The following METTL25 variants were observed in gnomAD, a reference collection of about 807,000 sequenced individuals.
METTL25 encodes methyltransferase like 25.
A neutral mutation model predicts 71.6 loss-of-function variants in METTL25; 64 were observed. The observed-to-expected ratio is 0.89, with a 90% CI of 0.73 to 1.10. The LOEUF is 1.10. Among genes scored for constraint, METTL25 ranks in the 50% least tolerant of loss-of-function variants. METTL25 has a pLI of 0.00. For synonymous variants in METTL25, 287 were observed against 250.3 expected (o/e 1.15, Z -1.38); for missense variants, 807 against 707.0 (o/e 1.14, Z -1.60).
rs1305451853 is a variant in METTL25 at position 82,394,951 on chromosome 12, C to T, written c.532-3844C>T. ...ATGCATACTTTGTTTCTGAAACATC[C>T]AGGAAGTCAGATTGAACAAGCAGAA... On this transcript the variant is annotated intron_variant, in intron 3 of 11. Coordinates refer to ENST00000248306, the MANE Select transcript of METTL25 (RefSeq NM_032230.3). Among the ~76,000 whole-genome samples, 5 of 151,446 alleles carry T rather than the reference C, an allele frequency of 3.3e-5. No individual in the cohort carries two copies. In the Admixed American group the frequency reaches 3.3e-4, roughly 10 times the overall value.
intron 3 of METTL25, among the ~76,000 whole-genome samples, chr12:82,394,577 G>A (rs1232788003): frequency 1.3e-5 from 2 of 151,848 alleles, no homozygotes; most frequent in African/African-American, 4.8e-5. Flanking sequence ...TCTTAACCAT[G>A]TTCCAGGCAT....
intron 8 of METTL25, among the ~76,000 whole-genome samples, chr12:82,445,126 A>T (rs1471890932): frequency 6.6e-6 from 1 of 152,170 alleles, no homozygotes; most frequent in East Asian, 1.9e-4. Flanking sequence ...TAATAAGTAC[A>T]TTGGAAAATA....
At chr12:82,422,742 T>C (rs1430537104) in intron 5 of METTL25, among the ~76,000 whole-genome samples, 4 of 152,160 alleles carry the variant, frequency 2.6e-5, no homozygotes, top group Non-Finnish European at 5.9e-5. Flanking sequence ...AGCATTCTTA[T>C]ACACCAATAA....
chr12:82,398,996 G>T lies in METTL25; in HGVS notation c.733G>T (p.Glu245Ter). The T allele has an allele frequency of 6.2e-7, 1 of 1,608,976 alleles. No homozygotes were observed. Among genetic ancestry groups the T allele is most frequent in the Non-Finnish European group, 8.5e-7 (1 of 1,177,894 alleles). ...TGGACTAGCATTAAAAATGGCAAAA[G>T]AAAGGAAAGTGCAAAATAAAGTTAA... ...VNGLALKMAK[E>*]RKVQNKVKNK... The change falls in exon 4 of 12, where the codon GAA (glutamate) becomes TAA (stop). Residue 245 changes from glutamate (E) to a stop codon, truncating the protein, a stop_gained. Transcript: ENST00000248306. LOFTEE classifies it high-confidence loss of function.
chr12:82,390,524 T>C (rs1209239601), intron 3 of METTL25, among the ~76,000 whole-genome samples: 7 of 152,090 alleles, frequency 4.6e-5, no homozygotes, highest in Non-Finnish European at 8.8e-5. Context: ...TTTATAAAAA[T>C]AGTAAGTTTT....
At chr12:82,472,598 G>A (rs543653619) in intron 9 of METTL25, among the ~76,000 whole-genome samples, 5 of 151,766 alleles carry the variant, frequency 3.3e-5, no homozygotes, top group African/African-American at 7.2e-5. Context: ...ACTCCGTCTC[G>A]AAAAAAAATT....
rs201472175 is a variant in METTL25, at chr12:82,358,759, C to T, written c.194C>T (p.Ser65Leu). ...PETVLAALRK[S>L]ASETEALPSE... ...ACAGTGCTGGCTGCGCTGAGGAAGT[C>T]AGCGTCGGAGACGGAGGCCCTGCCC... The change falls in exon 1 of 12, where the codon TCA (serine) becomes TTA (leucine). Residue 65 changes from serine to leucine, a missense_variant. Coordinates refer to ENST00000248306, the MANE Select transcript of METTL25 (RefSeq NM_032230.3). 26 of 1,613,944 alleles carry T rather than the reference C, an allele frequency of 1.6e-5. No homozygotes were observed. Among genetic ancestry groups the T allele is most frequent in the Non-Finnish European group, 2.2e-5 (26 of 1,180,018 alleles).
chr12:82,426,993 TCA>T (rs757582478), intron 5 of METTL25, among the ~76,000 whole-genome samples: 1 of 152,098 alleles, frequency 6.6e-6, no homozygotes, highest in South Asian at 2.1e-4. Context: ...GCCTGAGGAC[TCA>T]CAGCTCGTTT....
At chr12:82,429,433 A>G (rs1889314357) in intron 5 of METTL25, among the ~76,000 whole-genome samples, 1 of 148,144 alleles carries the variant, frequency 6.8e-6, no homozygotes, top group South Asian at 2.1e-4. Flanking sequence ...CATTTTCCTT[A>G]CCTATATCTA....
chr12:82,437,804 C>A (rs994069357), intron 7 of METTL25, among the ~76,000 whole-genome samples: 2 of 151,490 alleles, frequency 1.3e-5, no homozygotes, highest in African/African-American at 4.8e-5. Flanking sequence ...TAAAAGCATT[C>A]CGTATTGTTG....
chr12:82,462,887 C>T (rs556618428), intron 9 of METTL25, among the ~76,000 whole-genome samples: 4 of 152,140 alleles, frequency 2.6e-5, no homozygotes, highest in African/African-American at 2.4e-5. Flanking sequence ...ATACCTAATA[C>T]AGTGTAAATG....
intron 1 of METTL25, among the ~76,000 whole-genome samples, chr12:82,378,915 C>T (rs1049649286): frequency 1.7e-4 from 26 of 152,012 alleles, no homozygotes; most frequent in African/African-American, 6.0e-4. Flanking sequence ...TGCCCTTATC[C>T]CAGCTACTTA....
intron 1 of METTL25, among the ~76,000 whole-genome samples, chr12:82,376,841 C>T (rs921270671): frequency 1.8e-4 from 28 of 152,166 alleles, no homozygotes; most frequent in Non-Finnish European, 3.2e-4. Flanking sequence ...ATTGGCCGGG[C>T]GCTGTGGCTC....
intron 5 of METTL25, among the ~76,000 whole-genome samples, chr12:82,405,630 A>C (rs1887030839): frequency 6.6e-6 from 1 of 152,182 alleles, no homozygotes; most frequent in Admixed American, 6.5e-5. Flanking sequence ...GCAAATATTC[A>C]CTGGTCATGT....
chr12:82,475,206 A>T (rs1411254953), intron 9 of METTL25, among the ~76,000 whole-genome samples: 1 of 152,216 alleles, frequency 6.6e-6, no homozygotes, highest in African/African-American at 2.4e-5. Context: ...GGTAAAGGAG[A>T]GAACTAAAGG....
At chr12:82,460,380 A>C (rs568447209) in intron 9 of METTL25, among the ~76,000 whole-genome samples, 70 of 152,210 alleles carry the variant, frequency 4.6e-4, no homozygotes, top group African/African-American at 1.6e-3. Flanking sequence ...TGGCCTGTGC[A>C]TAGTGACTTT....
chr12:82,406,408 T>C (rs909634348), intron 5 of METTL25, among the ~76,000 whole-genome samples: 3 of 152,190 alleles, frequency 2.0e-5, no homozygotes, highest in East Asian at 3.9e-4. Flanking sequence ...TATATTCTTA[T>C]ATGTTTTAGG....
intron 1 of METTL25, among the ~76,000 whole-genome samples, chr12:82,361,799 C>T (rs1881963338): frequency 6.6e-6 from 1 of 152,222 alleles, no homozygotes; most frequent in Non-Finnish European, 1.5e-5. Flanking sequence ...CCGTGCCTCT[C>T]CCTCCACACC....
intron 8 of METTL25, 87 bp downstream of exon 8, chr12:82,438,878 A>G (rs1206178533): frequency 1.6e-6 from 2 of 1,270,956 alleles, no homozygotes; most frequent in Non-Finnish European, 2.1e-6. Context: ...ATGCAGGGTC[A>G]CTGTTATTAG....
Sources: allele counts gnomAD v4.1 joint callset (sites outside exome capture counted in the v4.1 genomes callset), GRCh38; gene constraint gnomAD v4.1.1; transcripts MANE v1.5; gene names NCBI Gene and HGNC (gene_info 2026-07-23, HGNC 2026-07-21).